Variants in DELE1 observed in about 807,000 individuals in gnomAD.
DELE1 encodes the protein death ligand signal enhancer.
DELE1 carries 54 observed loss-of-function variants against 59.3 expected under a neutral mutation model. That is an observed-to-expected ratio of 0.91 (90% confidence interval 0.73 to 1.14). The LOEUF (loss-of-function observed/expected upper bound fraction) is 1.14. DELE1 is among the 50% of genes most tolerant of loss of function. The pLI, the probability that DELE1 is intolerant of heterozygous loss-of-function variation, is 0.00. For missense variants in DELE1, 636 were observed against 643.9 expected (o/e 0.99, Z 0.13); for synonymous variants, 264 against 259.1 (o/e 1.02, Z -0.18).
chr5:141,934,806 TA>T, intron 10 of DELE1: 1 of 564,016 alleles, frequency 1.8e-6, no homozygotes, highest in South Asian at 2.3e-5. Flanking sequence ...GTTGGCAGCT[TA>T]AAATCTGCTA....
intron 8 of DELE1, 119 bp downstream of exon 8, chr5:141,933,520 C>A: frequency 1.4e-6 from 1 of 709,772 alleles, no homozygotes; most frequent in Non-Finnish European, 2.0e-6. Flanking sequence ...GGTTCTAGCC[C>A]AGCTGCGAAG....
chr5:141,932,273 T>G (rs1267645419), intron 7 of DELE1, among the ~76,000 whole-genome samples: 1 of 152,188 alleles, frequency 6.6e-6, no homozygotes, highest in Admixed American at 6.5e-5. Flanking sequence ...GTTTCCTTTT[T>G]GTTTGGGCAA....
At chr5:141,933,573 C>T (rs1752112339) in intron 8 of DELE1, 172 bp downstream of exon 8, 2 of 401,836 alleles carry the variant, frequency 5.0e-6, no homozygotes, top group African/African-American at 4.1e-5. Flanking sequence ...AATTTAGACT[C>T]AAAATTCAGG....
intron 7 of DELE1, among the ~76,000 whole-genome samples, chr5:141,930,592 C>T (rs532698343): frequency 6.6e-6 from 1 of 152,320 alleles, no homozygotes; most frequent in Non-Finnish European, 1.5e-5. Context: ...TTGCACAAAT[C>T]CTTGTCCAGA....
intron 2 of DELE1, among the ~76,000 whole-genome samples, 182 bp downstream of exon 2, chr5:141,924,877 C>T (rs1751258811): frequency 6.6e-6 from 1 of 151,422 alleles, no homozygotes; most frequent in Admixed American, 6.6e-5. Context: ...GCCTCAGCCT[C>T]CCGAGTAGCT....
chr5:141,937,578 G>T (rs1289131004), intron 11 of DELE1, among the ~76,000 whole-genome samples: 2 of 151,690 alleles, frequency 1.3e-5, no homozygotes, highest in African/African-American at 4.9e-5. Context: ...AGACCCTCCT[G>T]GCTAACACGG....
Position 141,939,489 on chromosome 5 carries a change from C to A in DELE1, c.*730C>A, listed in dbSNP as rs1157886571. The A allele has an allele frequency of 5.1e-6, 5 of 985,732 alleles. No homozygotes were observed. The South Asian group carries it at 2.3e-4, about 46-fold the overall frequency. 61.1% of individuals were successfully genotyped at this position (985,732 alleles called of 1,614,324 possible). A position where few individuals can be genotyped will look rare whatever the true frequency, so the allele number is the denominator to read the frequency against. Reference sequence around the variant, plus strand: ...CGTGGGCTCATAATCGTTTTCATTTCACCTTTGATTTGGAAGGAAGAAGTT... The same window carrying A: ...CGTGGGCTCATAATCGTTTTCATTTAACCTTTGATTTGGAAGGAAGAAGTT... On this transcript the variant is annotated 3_prime_UTR_variant, in exon 12 of 12. Transcript: ENST00000432126.
chr5:141,941,541 C>G lies in DELE1; in HGVS notation c.*2782C>G, dbSNP rs754851922. 1.0e-6 allele frequency: 1 copy of G among 985,434 alleles called. No homozygotes were observed. 61.0% of individuals were successfully genotyped at this position (985,434 alleles called of 1,614,324 possible). On this transcript the variant is annotated 3_prime_UTR_variant, in exon 12 of 12. Coordinates refer to ENST00000432126, the MANE Select transcript of DELE1 (RefSeq NM_014773.5). ...TAAAATTCTGTTATTAATGACTCAT[C>G]ATCAGTGCCCCAGAGGAAGTGTGAG...
rs1183589111 is a variant in DELE1, at chr5:141,940,169, G to A, written c.*1410G>A. On this transcript the variant is annotated 3_prime_UTR_variant, in exon 12 of 12. Transcript: ENST00000432126. ...ATTATCTCATCACTCTTGCCCTTGA[G>A]TATTATGGGAAGAGCCAGGGAGACG... 4 of 985,304 alleles carry A rather than the reference G, an allele frequency of 4.1e-6. No homozygotes were observed. The highest frequency in any genetic ancestry group is 1.7e-5 in the African/African-American group (1 of 57,222). 61.0% of individuals were successfully genotyped at this position (985,304 alleles called of 1,614,324 possible).
chr5:141,932,461 A>G (rs1561516002), intron 7 of DELE1, among the ~76,000 whole-genome samples: 2 of 152,208 alleles, frequency 1.3e-5, no homozygotes, highest in Non-Finnish European at 2.9e-5. Context: ...AAAGGAATCT[A>G]TTGGGATCTA....
intron 11 of DELE1, 23 bp downstream of exon 11, chr5:141,937,380 A>C (rs769005045): frequency 6.2e-7 from 1 of 1,612,770 alleles, no homozygotes; most frequent in African/African-American, 1.3e-5. Flanking sequence ...GTCCAAGCCA[A>C]CAGGTTCATT....
chr5:141,925,476 A>G lies in DELE1; in HGVS notation c.213A>G (p.Gln71=), dbSNP rs762124595. The G allele has an allele frequency of 1.0e-5, 16 of 1,605,006 alleles. No individual in the cohort carries two copies. The Admixed American group carries it at 1.0e-4, about 10-fold the overall frequency. ...CCCATGGATGGAAGGATGCCTTCCA[A>G]TGGATGTCTTCCCGTGTCTCCCCGA... is the stretch of plus-strand genomic sequence containing the variant. ...PRSHGWKDAF[Q]WMSSRVSPNT... The change falls in exon 3 of 12, where the codon CAA becomes CAG. Residue 71 remains glutamine (Q), a synonymous_variant. Transcript: ENST00000432126.
At chr5:141,934,907 G>T in intron 10 of DELE1, 1 of 360,356 alleles carries the variant, frequency 2.8e-6, no homozygotes, top group Non-Finnish European at 5.1e-6. Flanking sequence ...ACATTTACCA[G>T]CACACTACTG....
At position 141,930,046 on chromosome 5, in the gene DELE1, C is replaced by G; in HGVS notation, c.629C>G (p.Pro210Arg). The G allele has an allele frequency of 6.2e-7, 1 of 1,614,190 alleles. No individual in the cohort carries two copies. Among genetic ancestry groups the G allele is most frequent in the Non-Finnish European group, 8.5e-7 (1 of 1,180,040 alleles). ...AGTAGCATCGAGTCCGAGGCAAAAC[C>G]AGCCCAGCCTCAGCCCACTGGTGAA... ...ASSSIESEAK[P>R]AQPQPTGEKE... is the part of the protein sequence containing the mutation. Residue 210 changes from proline (P) to arginine (R), a missense_variant, in exon 6 of 12, where the codon CCA (proline) becomes CGA (arginine). Pro to Arg is a moderately radical substitution (Grantham distance 103, BLOSUM62 -2). Transcript: ENST00000432126.
In DELE1 at chr5:141,940,156, C is replaced by T; in HGVS notation, c.*1397C>T. On this transcript the variant is annotated 3_prime_UTR_variant, in exon 12 of 12. Coordinates refer to ENST00000432126, the MANE Select transcript of DELE1 (RefSeq NM_014773.5). ...AAACAGATATTGGATTATCTCATCA[C>T]TCTTGCCCTTGAGTATTATGGGAAG... 1.0e-6 allele frequency: 1 copy of T among 985,432 alleles called. No homozygotes were observed. Among genetic ancestry groups the T allele is most frequent in the Non-Finnish European group, 1.2e-6 (1 of 829,942 alleles). The allele number at this position is 985,432 out of a possible 1,614,324, so 61.0% of individuals were successfully genotyped here.
rs754377097 is a variant in DELE1 at position 141,934,258 on chromosome 5, T to C, written c.916T>C (p.Leu306=). Residue 306 remains leucine, a synonymous_variant, in exon 9 of 12, where the codon TTG becomes CTG. Transcript: ENST00000432126. The part of the protein sequence containing the change: ...DISKAVLYYQ[L]AASQGHSLAQ... ...GCCCCAGGCGGTCCTTTATTATCAG[T>C]TGGCTGCCAGCCAGGGCCACAGCCT... The C allele has an allele frequency of 1.2e-6, 2 of 1,610,508 alleles. No individual in the cohort carries two copies. The highest frequency in any genetic ancestry group is 2.2e-5 in the East Asian group (1 of 44,808).
In DELE1 at chr5:141,941,855, C is replaced by G. The variant is rs537747398; in HGVS notation, c.*3096C>G. The G allele has an allele frequency of 1.0e-6, 1 of 985,272 alleles. No homozygotes were observed. The highest frequency in any genetic ancestry group is 4.7e-5 in the South Asian group (1 of 21,282). 61.0% of individuals were successfully genotyped at this position (985,272 alleles called of 1,614,324 possible). On this transcript the variant is annotated 3_prime_UTR_variant, in exon 12 of 12. Transcript: ENST00000432126. ...AACTCCCCCCACCCAATGCCCAGCACCAAGCCTACCCAGCACATAGTAGGT... is the reference window on the plus strand; with the variant it reads ...AACTCCCCCCACCCAATGCCCAGCAGCAAGCCTACCCAGCACATAGTAGGT...
rs1356408232 is a variant in DELE1, at chr5:141,939,344, G to C, written c.*585G>C. ...TAAAGAAAAACATAACGTAAAAGTG[G>C]GCACAGATCCAGAGAGGTAGCAAAA... On this transcript the variant is annotated 3_prime_UTR_variant, in exon 12 of 12. Coordinates refer to ENST00000432126, the MANE Select transcript of DELE1 (RefSeq NM_014773.5). 1 of 884,608 alleles carries C rather than the reference G, an allele frequency of 1.1e-6. No individual in the cohort carries two copies. The highest frequency in any genetic ancestry group is 1.2e-4 in the East Asian group (1 of 8,264). The allele number at this position is 884,608 out of a possible 1,614,324, so 54.8% of individuals were successfully genotyped here.
intron 2 of DELE1, 56 bp downstream of exon 2, chr5:141,924,751 T>C: frequency 1.7e-6 from 1 of 578,898 alleles, no homozygotes; most frequent in Non-Finnish European, 2.8e-6. Context: ...TTTTTTTTTA[T>C]TTTTTTTTTT....
Sources: gnomAD v4.1 joint callset for allele counts (sites outside exome capture counted in the v4.1 genomes callset) on GRCh38, gnomAD v4.1.1 for gene constraint, MANE v1.5 for transcripts, NCBI Gene and HGNC (gene_info 2026-07-23, HGNC 2026-07-21) for gene names.